CDC14A: variants seen among roughly 807,000 people sequenced by gnomAD.
CDC14A encodes the protein cell division cycle 14A.
Under a neutral mutation model 74.4 loss-of-function variants are expected in CDC14A, and 53 were observed. The ratio of observed to expected loss-of-function variants is 0.71; its 90% CI spans 0.57 to 0.89. The LOEUF is 0.89. Among genes scored for constraint, CDC14A ranks in the 40% least tolerant of loss-of-function variants. The pLI is 0.00. For synonymous variants in CDC14A, 247 were observed against 258.4 expected, an observed-to-expected ratio of 0.96 and a Z score of 0.43; for missense variants, 646 against 713.7, an observed-to-expected ratio of 0.91 and a Z score of 1.08.
chr1:100,506,892 G>T lies in CDC14A; in HGVS notation c.1755+7630G>T, dbSNP rs1390116330. Among the ~76,000 whole-genome samples the T allele has an allele frequency of 2.0e-5, 3 of 152,124 alleles. No individual in the cohort carries two copies. In the East Asian group the frequency reaches 5.8e-4, roughly 29 times the overall value. On this transcript the variant is annotated intron_variant, in intron 15 of 15. Transcript: ENST00000336454. ...AAGTGCTTTTTATATACCTATAAAA[G>T]CTGGCTAGGTGCAATGGCTCACACT...
intron 4 of CDC14A, chr1:100,393,598 C>T: frequency 1.4e-6 from 1 of 695,870 alleles, no homozygotes; most frequent in South Asian, 1.4e-5. Context: ...GTTTACTTCT[C>T]CACCAGCACT....
At chr1:100,377,512 A>G (rs367919013) in intron 2 of CDC14A, 34 bp from the exon 3 acceptor site, 6 of 1,442,682 alleles carry the variant, frequency 4.2e-6, no homozygotes, top group Non-Finnish European at 5.8e-6. Context: ...TACTTTGACT[A>G]AATACTACGT....
At chr1:100,487,634 G>A (rs1246466862) in intron 11 of CDC14A, among the ~76,000 whole-genome samples, 1 of 152,136 alleles carries the variant, frequency 6.6e-6, no homozygotes, top group Non-Finnish European at 1.5e-5. Flanking sequence ...TTAGGATGTA[G>A]GTGAAAGGAA....
chr1:100,351,971 C>CTAGT (rs2100865765), upstream of CDC14A, among the ~76,000 whole-genome samples: 1 of 102,694 alleles, frequency 9.7e-6, no homozygotes, highest in South Asian at 3.4e-4. Flanking sequence ...GAGGTTTTTA[C>CTAGT]GAGTGTGTGT....
intron 5 of CDC14A, among the ~76,000 whole-genome samples, chr1:100,432,241 A>G (rs934824434): frequency 6.6e-6 from 1 of 152,184 alleles, no homozygotes; most frequent in Non-Finnish European, 1.5e-5. Context: ...GTAGGTCTCA[A>G]TGATATAAGC....
chr1:100,378,133 A>G (rs1655540963), intron 3 of CDC14A, among the ~76,000 whole-genome samples: 1 of 152,218 alleles, frequency 6.6e-6, no homozygotes, highest in African/African-American at 2.4e-5. Flanking sequence ...TTTACCTGAG[A>G]TGATAGAATT....
intron 4 of CDC14A, among the ~76,000 whole-genome samples, chr1:100,395,828 A>G (rs935224982): frequency 6.6e-6 from 1 of 152,142 alleles, no homozygotes; most frequent in Non-Finnish European, 1.5e-5. Context: ...CTGGACTTCT[A>G]ACTGAAATTC....
intron 4 of CDC14A, among the ~76,000 whole-genome samples, chr1:100,405,625 CA>C (rs1261866637): frequency 2.4e-4 from 37 of 152,190 alleles, no homozygotes; most frequent in African/African-American, 8.9e-4. Flanking sequence ...TGAGAACATG[CA>C]GTGTTTGGTT....
At chr1:100,391,008 A>G in intron 4 of CDC14A, 184 bp downstream of exon 4, 1 of 648,004 alleles carries the variant, frequency 1.5e-6, no homozygotes, top group Non-Finnish European at 2.8e-6. Flanking sequence ...TTTAGATTTT[A>G]TTTTCTACTA....
intron 15 of CDC14A, chr1:100,504,853 G>T: frequency 3.3e-6 from 5 of 1,535,618 alleles, no homozygotes; most frequent in Non-Finnish European, 4.4e-6. Context: ...GCCCTTTCTT[G>T]GAAGCCCCCT....
upstream of CDC14A, chr1:100,351,692 A>T: frequency 6.7e-7 from 1 of 1,495,060 alleles, no homozygotes; most frequent in South Asian, 1.2e-5. Flanking sequence ...CACTGTAAAG[A>T]TTAGGCATCT....
chr1:100,390,274 G>A (rs937005853), intron 3 of CDC14A, among the ~76,000 whole-genome samples: 1 of 151,984 alleles, frequency 6.6e-6, no homozygotes, highest in Non-Finnish European at 1.5e-5. Context: ...ACTAATATTG[G>A]TCTTCAAAAA....
At chr1:100,511,656 C>A (rs1397478987) in intron 15 of CDC14A, among the ~76,000 whole-genome samples, 4 of 152,174 alleles carry the variant, frequency 2.6e-5, no homozygotes, top group Non-Finnish European at 5.9e-5. Context: ...TTGGAGTCAG[C>A]TTTGACACTA....
At chr1:100,478,041 T>C (rs2101323797) in intron 10 of CDC14A, among the ~76,000 whole-genome samples, 1 of 152,320 alleles carries the variant, frequency 6.6e-6, no homozygotes, top group East Asian at 1.9e-4. Context: ...TGTTACAGTC[T>C]GAAATTTTAT....
intron 3 of CDC14A, among the ~76,000 whole-genome samples, chr1:100,389,180 CAAAAAA>C (rs1196346245): frequency 5.7e-5 from 3 of 52,238 alleles, no homozygotes; most frequent in Non-Finnish European, 1.1e-4. Context: ...GACCCTGTCT[CAAAAAA>C]AAAAAAAAAA....
intron 15 of CDC14A, among the ~76,000 whole-genome samples, chr1:100,501,407 C>A (rs1371310589): frequency 6.6e-6 from 1 of 152,028 alleles, no homozygotes; most frequent in East Asian, 1.9e-4. Context: ...AATGGTGGTC[C>A]CATAAGACTA....
intron 5 of CDC14A, among the ~76,000 whole-genome samples, chr1:100,428,262 C>T (rs1410659656): frequency 1.3e-5 from 2 of 152,126 alleles, no homozygotes; most frequent in African/African-American, 2.4e-5. Context: ...TGTGATGTCA[C>T]TTGTGAGTCA....
chr1:100,448,743 A>G (rs1665816458), intron 7 of CDC14A, among the ~76,000 whole-genome samples: 1 of 152,238 alleles, frequency 6.6e-6, no homozygotes. Flanking sequence ...TTATGGCCTC[A>G]TTCTCATAGC....
intron 5 of CDC14A, among the ~76,000 whole-genome samples, chr1:100,429,797 T>C (rs1663437305): frequency 6.7e-6 from 1 of 149,760 alleles, no homozygotes; most frequent in Admixed American, 6.7e-5. Context: ...ATCAAGTAAA[T>C]TTAAAACTCT....
Sources: gnomAD v4.1 joint callset for allele counts (sites outside exome capture counted in the v4.1 genomes callset) on GRCh38, gnomAD v4.1.1 for gene constraint, MANE v1.5 for transcripts, NCBI Gene and HGNC (gene_info 2026-07-23, HGNC 2026-07-21) for gene names.